HORMAD2: variants seen among roughly 807,000 people sequenced by gnomAD.
HORMAD2 encodes the protein HORMA domain-containing protein 2.
In HORMAD2, 45 loss-of-function variants were observed where a neutral mutation model predicts 38.8. The observed-to-expected ratio is 1.16, with a 90% CI of 0.91 to 1.49. The LOEUF is 1.49. Ranked by LOEUF, HORMAD2 falls within the 40% of genes most tolerant of loss-of-function variation. The pLI is 0.00. For synonymous variants in HORMAD2, 126 were observed against 122.8 expected (o/e 1.03, Z -0.17); for missense variants, 338 against 367.0 (o/e 0.92, Z 0.65).
intron 1 of HORMAD2, among the ~76,000 whole-genome samples, chr22:30,087,112 C>T (rs1320154845): frequency 1.3e-5 from 2 of 152,190 alleles, no homozygotes; most frequent in African/African-American, 4.8e-5. Flanking sequence ...CCGCCCACCT[C>T]AGCCTCCCAA....
the HORMAD2 span, among the ~76,000 whole-genome samples, chr22:30,187,197 G>T: frequency 6.6e-6 from 1 of 152,194 alleles, no homozygotes; most frequent in African/African-American, 2.4e-5. Context: ...TATGCTAGAT[G>T]TGTTCTAACC....
At chr22:30,090,245 C>T (rs1441509246) in intron 1 of HORMAD2, among the ~76,000 whole-genome samples, 1 of 152,042 alleles carries the variant, frequency 6.6e-6, no homozygotes, top group Non-Finnish European at 1.5e-5. Flanking sequence ...TGCTTGTAGT[C>T]CCAGCTACTC....
chr22:30,133,726 C>T (rs1366809560), intron 10 of HORMAD2, among the ~76,000 whole-genome samples: 1 of 151,766 alleles, frequency 6.6e-6, no homozygotes, highest in Admixed American at 6.6e-5. Flanking sequence ...CTAAACAATA[C>T]AGTATAACTA....
the HORMAD2 span, among the ~76,000 whole-genome samples, chr22:30,193,883 AC>A: frequency 1.3e-5 from 2 of 151,440 alleles, no homozygotes; most frequent in South Asian, 2.1e-4. Flanking sequence ...AGGTGGGTGA[AC>A]CCCCCCTACC....
intron 7 of HORMAD2, 39 bp downstream of exon 7, chr22:30,112,561 T>A: frequency 1.1e-6 from 1 of 918,052 alleles, no homozygotes; most frequent in Non-Finnish European, 1.5e-6. Context: ...GTAGTATATG[T>A]ATATTATATT....
At position 30,176,125 on chromosome 22, in the gene HORMAD2, G is replaced by A. The variant is rs1198238713; in HGVS notation, c.882G>A (p.Lys294=). Residue 294 remains lysine, a synonymous_variant, in exon 11 of 11, where the codon AAG becomes AAA. Transcript: ENST00000336726. The part of the protein sequence containing the change: ...QSSECSRKKR[K]VSEPVKVFIP... ...CTGAGTGCTCCAGGAAGAAGAGGAA[G>A]GTCAGTGAACCAGTGAAGGTCTTCA... 4 of 1,612,946 alleles carry A rather than the reference G, an allele frequency of 2.5e-6. No homozygotes were observed. Among genetic ancestry groups the A allele is most frequent in the South Asian group, 1.1e-5 (1 of 91,052 alleles).
At chr22:30,184,616 ACT>A in the HORMAD2 span, 1 of 152,050 alleles carries the variant, frequency 6.6e-6, no homozygotes, top group Non-Finnish European at 1.5e-5. Flanking sequence ...AAGAAAATAG[ACT>A]CAGGTTGCAT....
chr22:30,113,892 C>A (rs1921849101), intron 7 of HORMAD2, among the ~76,000 whole-genome samples: 1 of 152,152 alleles, frequency 6.6e-6, no homozygotes, highest in South Asian at 2.1e-4. Context: ...CTAGTTCTAT[C>A]TTTTATTTCT....
intron 1 of HORMAD2, among the ~76,000 whole-genome samples, chr22:30,084,234 A>G (rs1402952175): frequency 6.6e-6 from 1 of 152,210 alleles, no homozygotes; most frequent in East Asian, 1.9e-4. Context: ...GAACAAGGAT[A>G]TGCATCTTGT....
chr22:30,165,185 A>G (rs925221221), intron 10 of HORMAD2, among the ~76,000 whole-genome samples: 3 of 152,186 alleles, frequency 2.0e-5, no homozygotes, highest in East Asian at 1.9e-4. Flanking sequence ...TGAAAAGACT[A>G]TCTTTCCTCA....
intron 10 of HORMAD2, among the ~76,000 whole-genome samples, chr22:30,125,548 A>G (rs2146138981): frequency 6.6e-6 from 1 of 151,970 alleles, no homozygotes; most frequent in South Asian, 2.1e-4. Context: ...TTTCTTTAAG[A>G]GGTCTTTTGA....
chr22:30,158,220 C>A lies in HORMAD2; in HGVS notation c.820-17843C>A, dbSNP rs143890824. Among the ~76,000 whole-genome samples the A allele has an allele frequency of 2.1e-3, 314 of 151,744 alleles. 2 individuals are homozygous for A. Among genetic ancestry groups the A allele is most frequent in the African/African-American group, 7.2e-3 (300 of 41,420 alleles). ...CAAAAGAGGAAAATGTGGGTAACTT[C>A]TAAAAATCACCAGGAGTTAGCTTCA... On this transcript the variant is annotated intron_variant, in intron 10 of 10. Transcript: ENST00000336726.
chr22:30,203,260 C>T, the HORMAD2 span, among the ~76,000 whole-genome samples: 217 of 151,920 alleles, frequency 1.4e-3, no homozygotes, highest in Non-Finnish European at 2.3e-3. Flanking sequence ...CTGGGAGTGG[C>T]GGCGCATGCC....
chr22:30,164,531 T>C (rs1454273239), intron 10 of HORMAD2, among the ~76,000 whole-genome samples: 1 of 152,216 alleles, frequency 6.6e-6, no homozygotes, highest in East Asian at 1.9e-4. Context: ...GTGGCTTTAA[T>C]TTGCATCTCT....
chr22:30,172,754 G>A (rs965930632), intron 10 of HORMAD2, among the ~76,000 whole-genome samples: 3 of 152,120 alleles, frequency 2.0e-5, no homozygotes, highest in Non-Finnish European at 2.9e-5. Flanking sequence ...TGGGCGTGGT[G>A]GCGGGTACCT....
chr22:30,182,715 C>A, the HORMAD2 span, among the ~76,000 whole-genome samples: 2 of 152,116 alleles, frequency 1.3e-5, no homozygotes. Flanking sequence ...TGCTTGAGCC[C>A]AAGAGTTTGA....
chr22:30,157,178 A>G (rs930517066), intron 10 of HORMAD2, among the ~76,000 whole-genome samples: 19 of 152,190 alleles, frequency 1.2e-4, no homozygotes, highest in Non-Finnish European at 1.8e-4. Flanking sequence ...TGACTTCTCC[A>G]ACCAGGTGGG....
chr22:30,085,847 G>A (rs1189924660), intron 1 of HORMAD2, among the ~76,000 whole-genome samples: 2 of 152,176 alleles, frequency 1.3e-5, no homozygotes, highest in Non-Finnish European at 2.9e-5. Context: ...CTCACAGTAG[G>A]TCAGGGGATA....
At chr22:30,172,193 A>G (rs977841192) in intron 10 of HORMAD2, among the ~76,000 whole-genome samples, 3 of 152,212 alleles carry the variant, frequency 2.0e-5, no homozygotes, top group African/African-American at 7.2e-5. Context: ...ACAATGGATG[A>G]CATTGGAAAG....
Sources: allele counts gnomAD v4.1 joint callset (sites outside exome capture counted in the v4.1 genomes callset), GRCh38; gene constraint gnomAD v4.1.1; transcripts MANE v1.5; gene names NCBI Gene and HGNC (gene_info 2026-07-23, HGNC 2026-07-21).